Variants in REX1BD observed in about 807,000 individuals in gnomAD.
REX1BD encodes required for excision 1-B domain containing, also known as required for excision 1-B domain-containing protein.
In REX1BD, 22 loss-of-function variants were observed where a neutral mutation model predicts 24.4. The ratio of observed to expected loss-of-function variants is 0.90; its 90% CI spans 0.64 to 1.29. REX1BD has a LOEUF of 1.29. Ranked by LOEUF, REX1BD falls within the 50% of genes most tolerant of loss-of-function variation. The pLI is 0.00. For missense variants in REX1BD, 293 were observed against 285.3 expected (o/e 1.03, Z -0.19); for synonymous variants, 146 against 125.9 (o/e 1.16, Z -1.07).
intron 3 of REX1BD, chr19:18,590,268 A>G (rs1600644240): frequency 8.4e-6 from 1 of 119,300 alleles, no homozygotes; most frequent in African/African-American, 3.3e-5. Context: ...TTGCTCTCTC[A>G]CCCAGGCTAG....
At chr19:18,589,371 C>G in intron 2 of REX1BD, 42 bp from the exon 3 acceptor site, 1 of 1,551,596 alleles carries the variant, frequency 6.4e-7, no homozygotes, top group Non-Finnish European at 8.7e-7. Flanking sequence ...CCTACCAGTC[C>G]TCCCCTCTGG....
Position 18,592,129 on chromosome 19 carries a change from G to A in REX1BD, c.555G>A (p.Ala185=), listed in dbSNP as rs188974816. The change falls in exon 5 of 5, where the codon GCG becomes GCA. Residue 185 remains alanine (A), a synonymous_variant. Coordinates refer to ENST00000358607, the MANE Select transcript of REX1BD (RefSeq NM_001100418.2). ...GTAGGGTAATTAAAACCATGGAGGC[G>A]ATCAGCGAGGTTCTCCAGGACCTTA... ...LKMKVIKTME[A]ISEVLQDLRF... 2.2e-4 allele frequency: 357 copies of A among 1,614,064 alleles called. 3 individuals are homozygous for A. The East Asian group carries it at 6.7e-3, about 30-fold the overall frequency.
intron 4 of REX1BD, 74 bp downstream of exon 4, chr19:18,591,007 C>A: frequency 1.5e-6 from 2 of 1,332,244 alleles, no homozygotes; most frequent in Non-Finnish European, 2.0e-6. Context: ...ACGCTGCCAG[C>A]AGAGGAACCC....
At chr19:18,589,712 T>C (rs1975998527) in intron 3 of REX1BD, 29 bp downstream of exon 3, 1 of 1,446,314 alleles carries the variant, frequency 6.9e-7, no homozygotes, top group South Asian at 1.4e-5. Context: ...CCCCGCCGTG[T>C]CTCTAGGACC....
chr19:18,591,022 CCAG>C, intron 4 of REX1BD, 89 bp downstream of exon 4: 9 of 1,228,402 alleles, frequency 7.3e-6, no homozygotes, highest in African/African-American at 3.1e-5. Context: ...GAACCCTCTG[CCAG>C]TGCACAATGG....
Position 18,589,701 on chromosome 19 carries a change from TC to T in REX1BD, c.453+22del. ...TGGGCACGGTGAGGCCACCACCCCTTCCCCGCCGTGTCTCTAGGACCCTGGC... is the reference window on the plus strand; with the variant it reads ...TGGGCACGGTGAGGCCACCACCCCTTCCCGCCGTGTCTCTAGGACCCTGGC... On this transcript the variant is annotated intron_variant, in intron 3 of 4. Transcript: ENST00000358607. 1.4e-6 allele frequency: 2 copies of T among 1,454,128 alleles called. No homozygotes were observed. The highest frequency in any genetic ancestry group is 1.8e-6 in the Non-Finnish European group (2 of 1,112,402). 90.1% of individuals were successfully genotyped at this position (1,454,128 alleles called of 1,614,324 possible).
At chr19:18,590,746 C>T (rs1411911453) in intron 3 of REX1BD, 108 bp from the exon 4 acceptor site, 43 of 1,049,784 alleles carry the variant, frequency 4.1e-5, no homozygotes, top group Middle Eastern at 2.0e-4. Context: ...TGGTTCTACC[C>T]GGGCACTGCC....
chr19:18,589,444 T>TG lies in REX1BD; in HGVS notation c.219dup (p.Arg74AlafsTer21). 1 of 1,558,668 alleles carries TG rather than the reference T, an allele frequency of 6.4e-7. No homozygotes were observed. Among genetic ancestry groups the TG allele is most frequent in the African/African-American group, 1.4e-5 (1 of 73,562 alleles). ...GGCGCCGGTGCAGGGCCTGAGAGCC[T>TG]GGGGGCGCGGCCTCAGGGTCCCCAC... On this transcript the variant is annotated frameshift_variant, in exon 3 of 5. Coordinates refer to ENST00000358607, the MANE Select transcript of REX1BD (RefSeq NM_001100418.2). LOFTEE classifies it high-confidence loss of function.
chr19:18,592,109 G>T lies in REX1BD; in HGVS notation c.535G>T (p.Val179Leu), dbSNP rs969959079. The T allele has an allele frequency of 6.2e-6, 10 of 1,613,912 alleles. No homozygotes were observed. The African/African-American group carries it at 8.0e-5, about 13-fold the overall frequency. Residue 179 changes from valine (V) to leucine (L), a missense_variant and splice_region_variant, in exon 5 of 5, where the codon GTA (valine) becomes TTA (leucine). Coordinates refer to ENST00000358607, the MANE Select transcript of REX1BD (RefSeq NM_001100418.2). The part of the protein sequence containing the change: ...AVRMQQLKMK[V>L]IKTMEAISEV... ...TATAGTTCCCATCCGCTCTTGTAGGGTAATTAAAACCATGGAGGCGATCAG... is the reference window on the plus strand; with the variant it reads ...TATAGTTCCCATCCGCTCTTGTAGGTTAATTAAAACCATGGAGGCGATCAG...
At chr19:18,591,308 T>C (rs1976035277) in intron 4 of REX1BD, 2 of 167,874 alleles carry the variant, frequency 1.2e-5, no homozygotes, top group Non-Finnish European at 2.6e-5. Flanking sequence ...CCCACCAAGA[T>C]GGCCTTTTCT....
chr19:18,588,866 A>T lies in REX1BD; in HGVS notation c.65A>T (p.Glu22Val). The T allele has an allele frequency of 6.5e-7, 1 of 1,532,760 alleles. No homozygotes were observed. Among genetic ancestry groups the T allele is most frequent in the Middle Eastern group, 2.3e-4 (1 of 4,358 alleles). The allele number at this position is 1,532,760 out of a possible 1,614,324, so 94.9% of individuals were successfully genotyped here. A position where few individuals can be genotyped will look rare whatever the true frequency, so the allele number is the denominator to read the frequency against. Reference protein sequence around the residue: ...PAVPAAEEATEARGREEPAWP... With the variant: ...PAVPAAEEATVARGREEPAWP... ...GTGCCTGCTGCTGAGGAGGCCACCG[A>T]AGCTCGGGGACGCGAGGAGCCGGCG... The change falls in exon 1 of 5, where the codon GAA (glutamate) becomes GTA (valine). Residue 22 changes from glutamate to valine, a missense_variant. Physicochemically the swap from Glu to Val is moderately radical, Grantham distance 121. Transcript: ENST00000358607.
intron 1 of REX1BD, 39 bp downstream of exon 1, chr19:18,588,939 C>T (rs1364364250): frequency 1.3e-6 from 2 of 1,522,724 alleles, no homozygotes; most frequent in East Asian, 2.5e-5. Flanking sequence ...GCGGGGCGGG[C>T]GGCGCAGACC....
At position 18,589,449 on chromosome 19, in the gene REX1BD, G is replaced by A. The variant is rs748435374; in HGVS notation, c.219G>A (p.Gly73=). 9.8e-5 allele frequency: 152 copies of A among 1,558,036 alleles called. 1 individual carries two copies. Among genetic ancestry groups the A allele is most frequent in the Non-Finnish European group, 1.3e-4 (144 of 1,151,696 alleles). Residue 73 remains glycine, a synonymous_variant, in exon 3 of 5, where the codon GGG becomes GGA. Coordinates refer to ENST00000358607, the MANE Select transcript of REX1BD (RefSeq NM_001100418.2). ...CGGTGCAGGGCCTGAGAGCCTGGGG[G>A]CGCGGCCTCAGGGTCCCCACATGCC... ...LAPVQGLRAW[G]RGLRVPTCRR...
At chr19:18,591,014 A>G in intron 4 of REX1BD, 81 bp downstream of exon 4, 1 of 1,272,726 alleles carries the variant, frequency 7.9e-7, no homozygotes, top group South Asian at 1.6e-5. Context: ...CAGCAGAGGA[A>G]CCCTCTGCCA....
chr19:18,592,053 A>C lies in REX1BD; in HGVS notation c.534-55A>C, dbSNP rs776244395. 9.3e-6 allele frequency: 15 copies of C among 1,605,104 alleles called. No homozygotes were observed. In the South Asian group the frequency reaches 1.5e-4, roughly 16 times the overall value. On this transcript the variant is annotated intron_variant, in intron 4 of 4. Coordinates refer to ENST00000358607, the MANE Select transcript of REX1BD (RefSeq NM_001100418.2). ...CACAGCCCTCTTGCAGCTTCGCGGCAGCAGCTAATTCACCCCATCTGGGTT... is the reference window on the plus strand; with the variant it reads ...CACAGCCCTCTTGCAGCTTCGCGGCCGCAGCTAATTCACCCCATCTGGGTT...
intron 2 of REX1BD, 67 bp downstream of exon 2, chr19:18,589,144 G>A (rs1975980500): frequency 6.8e-7 from 1 of 1,463,648 alleles, no homozygotes; most frequent in Admixed American, 2.5e-5. Context: ...GCGTGTTCTC[G>A]GCGGGCGTGC....
Position 18,589,096 on chromosome 19 carries a change from G to A in REX1BD, c.182+19G>A. On this transcript the variant is annotated intron_variant, in intron 2 of 4. Transcript: ENST00000358607. ...TGGAGGAGTGAGTGGGGGCGCGGAGGGGCTCAGGGTTCGGTCCCCCGCCCG... is the reference window on the plus strand; with the variant it reads ...TGGAGGAGTGAGTGGGGGCGCGGAGAGGCTCAGGGTTCGGTCCCCCGCCCG... The A allele has an allele frequency of 1.3e-6, 2 of 1,486,794 alleles. No individual in the cohort carries two copies. Among genetic ancestry groups the A allele is most frequent in the Non-Finnish European group, 8.9e-7 (1 of 1,125,062 alleles). The allele number at this position is 1,486,794 out of a possible 1,614,324, so 92.1% of individuals were successfully genotyped here.
At chr19:18,589,215 C>T (rs1253307953) in intron 2 of REX1BD, 138 bp downstream of exon 2, 47 of 1,508,686 alleles carry the variant, frequency 3.1e-5, no homozygotes, top group Non-Finnish European at 4.1e-5. Flanking sequence ...GATTTCGGGG[C>T]ACCGGGTCCT....
At chr19:18,590,832 G>T (rs777865113) in intron 3 of REX1BD, 22 bp from the exon 4 acceptor site, 1 of 1,594,060 alleles carries the variant, frequency 6.3e-7, no homozygotes, top group Middle Eastern at 1.7e-4. Context: ...GACATCCTTC[G>T]TGTTGCTCAT....
Sources: gnomAD v4.1 joint callset for allele counts on GRCh38, gnomAD v4.1.1 for gene constraint, MANE v1.5 for transcripts, NCBI Gene and HGNC (gene_info 2026-07-23, HGNC 2026-07-21) for gene names.